Variants in PNCK observed in about 807,000 individuals in gnomAD.
PNCK encodes the protein calcium/calmodulin-dependent protein kinase type 1B.
A neutral mutation model predicts 28.3 loss-of-function variants in PNCK; 21 were observed. The observed-to-expected ratio is 0.74, with a 90% CI of 0.53 to 1.07. The LOEUF (loss-of-function observed/expected upper bound fraction) is 1.07, where lower values mean the gene tolerates loss of function less well. Ranked by LOEUF, PNCK falls within the 50% of genes least tolerant of loss-of-function variation. The pLI is 0.00. For synonymous variants in PNCK, 136 were observed against 125.2 expected (o/e 1.09, Z -0.58); for missense variants, 250 against 298.3 (o/e 0.84, Z 1.19).
intron 1 of PNCK, among the ~76,000 whole-genome samples, chrX:153,680,754 G>A (rs782346792): frequency 1.2e-4 from 13 of 109,654 alleles, no homozygotes; most frequent in Non-Finnish European, 1.9e-4. Context: ...TCAGGGCTGG[G>A]CGCGGTGGCT....
upstream of PNCK, chrX:153,674,179 T>G (rs782785418): frequency 1.6e-5 from 19 of 1,202,458 alleles, no homozygotes; most frequent in African/African-American, 5.2e-5. Flanking sequence ...CCTCCATGCC[T>G]AGCTCCAGGA....
At chrX:153,670,368 C>T (rs925996413) in intron 11 of PNCK, 82 bp downstream of exon 11, 33 of 1,167,194 alleles carry the variant, frequency 2.8e-5, no homozygotes, top group Non-Finnish European at 3.7e-5. Context: ...CCCCACTTAG[C>T]TCTTGGCCAC....
chrX:153,675,973 CTTTTTTTTCTTTTCTTT>C (rs2091363342), upstream of PNCK, among the ~76,000 whole-genome samples: 1 of 92,254 alleles, frequency 1.1e-5, no homozygotes. Flanking sequence ...CTTTTCTTTT[CTTTTTTTTCTTTTCTTT>C]TTTTTTTTTT....
upstream of PNCK, chrX:153,674,110 GTC>G: frequency 8.3e-7 from 1 of 1,210,738 alleles, no homozygotes; most frequent in East Asian, 3.0e-5. Context: ...CTGCCTTCCA[GTC>G]TCTGCCTTCA....
upstream of PNCK, among the ~76,000 whole-genome samples, chrX:153,676,864 CAA>C (rs57712456): frequency 4.0e-4 from 22 of 55,021 alleles, no homozygotes; most frequent in Non-Finnish European, 4.4e-4. Context: ...GACTTCATCT[CAA>C]AAAAAAAAAA....
At chrX:153,682,979 C>T (rs1410864595) in intron 1 of PNCK, among the ~76,000 whole-genome samples, 1 of 112,030 alleles carries the variant, frequency 8.9e-6, no homozygotes, top group Non-Finnish European at 1.9e-5. Context: ...TTCACATGGA[C>T]GTGTGAGACA....
chrX:153,670,243 G>C, intron 11 of PNCK, 113 bp from the exon 12 acceptor site: 1 of 504,335 alleles, frequency 2.0e-6, no homozygotes, highest in Non-Finnish European at 3.2e-6. Flanking sequence ...CTCTCCCCCT[G>C]CACCCCCTTG....
intron 1 of PNCK, 74 bp from the exon 2 acceptor site, chrX:153,673,152 C>T (rs900535889): frequency 5.1e-6 from 6 of 1,175,096 alleles, no homozygotes; most frequent in Non-Finnish European, 6.9e-6. Context: ...CCTCCTCCAC[C>T]CCCTGCCAGG....
Position 153,673,082 on chromosome X carries a change from C to T in PNCK, c.-2-4G>A. 2 of 1,188,591 alleles carry T rather than the reference C, an allele frequency of 1.7e-6. No individual in the cohort carries two copies. Among genetic ancestry groups the T allele is most frequent in the Non-Finnish European group, 1.1e-6 (1 of 880,628 alleles). ...TGTTTCTTCAGCAGCAGCATGTCTGCAGGGGCAGGGGAGAGGTGATGGGGG... is the reference window on the plus strand; with the variant it reads ...TGTTTCTTCAGCAGCAGCATGTCTGTAGGGGCAGGGGAGAGGTGATGGGGG... On this transcript the variant is annotated splice_polypyrimidine_tract_variant and splice_region_variant and intron_variant, in intron 1 of 11. Transcript: ENST00000340888.
At chrX:153,684,885 C>G (rs1203090861) in intron 1 of PNCK, among the ~76,000 whole-genome samples, 6 of 97,366 alleles carry the variant, frequency 6.2e-5, no homozygotes, top group Non-Finnish European at 1.3e-4. Flanking sequence ...ACTCCAACCC[C>G]CCAGCCCCAG....
upstream of PNCK, chrX:153,687,662 C>T: frequency 3.3e-6 from 1 of 299,548 alleles, no homozygotes; most frequent in Non-Finnish European, 6.4e-6. Context: ...GCACTAGGAG[C>T]CGGCGACCCT....
At chrX:153,677,680 ATATATAGTG>A (rs1557041878), upstream of PNCK, among the ~76,000 whole-genome samples, 19 of 83,081 alleles carry the variant, frequency 2.3e-4, no homozygotes, top group African/African-American at 8.1e-4. Context: ...TATAGTGTGT[ATATATAGTG>A]TATATATAGT....
chrX:153,674,372 T>A (rs911957576), upstream of PNCK: 62 of 501,204 alleles, frequency 1.2e-4, no homozygotes, highest in Admixed American at 4.8e-5. Context: ...AAAGCATGAG[T>A]CCTTAGGGGG....
At position 153,671,599 on chromosome X, in the gene PNCK, A is replaced by G; in HGVS notation, c.488T>C (p.Ile163Thr). 1 of 1,210,907 alleles carries G rather than the reference A, an allele frequency of 8.3e-7. No homozygotes were observed. The highest frequency in any genetic ancestry group is 1.1e-6 in the Non-Finnish European group (1 of 895,064). The part of the protein sequence containing the change: ...IMVSDFGLSK[I>T]QAGNMLGTAC... Reference sequence around the variant, plus strand: ...GGTGCCTAGCATGTTCCCAGCCTGGATTTTGGAGAGTCCAAAGTCAGAGAC... The same window carrying G: ...GGTGCCTAGCATGTTCCCAGCCTGGGTTTTGGAGAGTCCAAAGTCAGAGAC... Residue 163 changes from isoleucine to threonine, a missense_variant, in exon 6 of 12, where the codon ATC becomes ACC. Transcript: ENST00000340888.
intron 1 of PNCK, among the ~76,000 whole-genome samples, chrX:153,685,305 G>A (rs1557043016): frequency 9.0e-6 from 1 of 111,231 alleles, no homozygotes; most frequent in Non-Finnish European, 1.9e-5. Context: ...GATGGAAATC[G>A]CTTTGCCTTT....
At chrX:153,672,284 T>C in intron 3 of PNCK, 84 bp from the exon 4 acceptor site, 1 of 993,997 alleles carries the variant, frequency 1.0e-6, no homozygotes, top group Non-Finnish European at 1.4e-6. Context: ...TCCTCCCTCT[T>C]CTCTTCCTCC....
At chrX:153,681,302 G>A (rs1557042457) in intron 1 of PNCK, among the ~76,000 whole-genome samples, 1 of 111,388 alleles carries the variant, frequency 9.0e-6, no homozygotes, top group Non-Finnish European at 1.9e-5. Flanking sequence ...TGGGCCTCAC[G>A]GAGCGGCTTC....
rs201682344 is a variant in PNCK at position 153,672,021 on chromosome X, G to A, written c.276-3C>T. 54 of 1,207,419 alleles carry A rather than the reference G, an allele frequency of 4.5e-5. No homozygotes were observed. In the East Asian group the frequency reaches 1.6e-3, roughly 36 times the overall value. ...CAAACAGCTCGCCACCCGTCACCCT[G>A]GGGGTGCCAGGGGTTTGGCTGACCC... is the stretch of plus-strand genomic sequence containing the variant. On this transcript the variant is annotated splice_polypyrimidine_tract_variant and splice_region_variant and intron_variant, in intron 4 of 11. Transcript: ENST00000340888.
At chrX:153,673,469 C>A (rs2091339169) in intron 1 of PNCK, 1 of 465,784 alleles carries the variant, frequency 2.1e-6, no homozygotes, top group Non-Finnish European at 3.3e-6. Flanking sequence ...CATGGCACAG[C>A]GCCCACAGGC....
Sources: gnomAD v4.1 joint callset for allele counts (sites outside exome capture counted in the v4.1 genomes callset) on GRCh38, gnomAD v4.1.1 for gene constraint, MANE v1.5 for transcripts, NCBI Gene and HGNC (gene_info 2026-07-23, HGNC 2026-07-21) for gene names.